Variants in CDH12 observed in about 807,000 individuals in gnomAD.
The protein encoded by CDH12 is cadherin 12, also known as cadherin-12.
A neutral mutation model predicts 74.1 loss-of-function variants in CDH12; 41 were observed. The ratio of observed to expected loss-of-function variants is 0.55; its 90% confidence interval spans 0.43 to 0.72. The LOEUF (loss-of-function observed/expected upper bound fraction) is 0.72, where lower values mean the gene tolerates loss of function less well. Among genes scored for constraint, CDH12 ranks in the 30% least tolerant of loss-of-function variants. CDH12 has a pLI of 0.00. For synonymous variants in CDH12, 399 were observed against 355.0 expected (o/e 1.12, Z -1.39); for missense variants, 945 against 977.2 (o/e 0.97, Z 0.44).
At chr5:22,079,998 A>T (rs1226724219) in intron 4 of CDH12, among the ~76,000 whole-genome samples, 3 of 152,114 alleles carry the variant, frequency 2.0e-5, no homozygotes, top group African/African-American at 4.8e-5. Context: ...GAATAAAAGC[A>T]TTCCTATATT....
At chr5:22,478,654 G>A (rs1217728923) in intron 2 of CDH12, among the ~76,000 whole-genome samples, 1 of 151,768 alleles carries the variant, frequency 6.6e-6, no homozygotes, top group Non-Finnish European at 1.5e-5. Context: ...CTCAGAGCCT[G>A]AAAGACTTAT....
chr5:21,751,715 T>C lies in CDH12; in HGVS notation c.*22A>G, dbSNP rs1561150087. 5.1e-6 allele frequency: 8 copies of C among 1,571,558 alleles called. No individual in the cohort carries two copies. Among genetic ancestry groups the C allele is most frequent in the Non-Finnish European group, 6.9e-6 (8 of 1,162,974 alleles). Reference sequence around the variant, plus strand: ...TTTTAAAAATCTCCCCTCTCGGTTGTATTTTAGCCTCCACGACTCCCTTAA... The same window carrying C: ...TTTTAAAAATCTCCCCTCTCGGTTGCATTTTAGCCTCCACGACTCCCTTAA... On this transcript the variant is annotated 3_prime_UTR_variant, in exon 15 of 15. Coordinates refer to ENST00000382254, the MANE Select transcript of CDH12 (RefSeq NM_004061.5).
intron 3 of CDH12, among the ~76,000 whole-genome samples, chr5:22,303,087 G>A (rs1281418302): frequency 1.3e-5 from 2 of 152,058 alleles, no homozygotes; most frequent in Non-Finnish European, 2.9e-5. Flanking sequence ...TTAAGAAACA[G>A]CATTTTAAAT....
At chr5:22,601,707 G>T (rs985355253) in intron 1 of CDH12, among the ~76,000 whole-genome samples, 2 of 151,902 alleles carry the variant, frequency 1.3e-5, no homozygotes, top group African/African-American at 2.4e-5. Flanking sequence ...TCCCAGATGC[G>T]ATGTTACTCC....
At chr5:21,780,323 T>C (rs1745833856) in intron 11 of CDH12, among the ~76,000 whole-genome samples, 1 of 152,178 alleles carries the variant, frequency 6.6e-6, no homozygotes, top group Non-Finnish European at 1.5e-5. Flanking sequence ...ACTATAAAGG[T>C]TCATACTTCC....
At chr5:22,690,549 C>G (rs1742029677) in intron 1 of CDH12, among the ~76,000 whole-genome samples, 1 of 152,000 alleles carries the variant, frequency 6.6e-6, no homozygotes, top group South Asian at 2.1e-4. Context: ...CACATGACAG[C>G]AAGTATATAA....
intron 4 of CDH12, among the ~76,000 whole-genome samples, chr5:22,170,906 C>T (rs1285823107): frequency 6.6e-6 from 1 of 151,800 alleles, no homozygotes; most frequent in African/African-American, 2.4e-5. Context: ...TTTAATTAAG[C>T]AGCAGTTGGT....
intron 1 of CDH12, among the ~76,000 whole-genome samples, chr5:22,625,124 C>T (rs1317916388): frequency 6.6e-6 from 1 of 152,008 alleles, no homozygotes; most frequent in East Asian, 1.9e-4. Flanking sequence ...AACACTTGGA[C>T]ACAGGAAGGG....
intron 3 of CDH12, among the ~76,000 whole-genome samples, chr5:22,385,820 G>A (rs1437423777): frequency 6.6e-6 from 1 of 151,994 alleles, no homozygotes; most frequent in East Asian, 1.9e-4. Flanking sequence ...TGGCAGAAGG[G>A]GAAGCAGGCA....
intron 9 of CDH12, 96 bp from the exon 10 acceptor site, chr5:21,802,516 A>T: frequency 9.9e-7 from 1 of 1,005,410 alleles, no homozygotes. Flanking sequence ...AGTTATTATC[A>T]ATTATACTGG....
At chr5:22,515,875 C>T (rs550786689) in intron 1 of CDH12, among the ~76,000 whole-genome samples, 64 of 152,028 alleles carry the variant, frequency 4.2e-4, no homozygotes, top group African/African-American at 1.5e-3. Flanking sequence ...AAAAATTCTA[C>T]CCATACAAAG....
chr5:21,898,967 A>G (rs1420258902), intron 6 of CDH12, among the ~76,000 whole-genome samples: 1 of 152,116 alleles, frequency 6.6e-6, no homozygotes, highest in Non-Finnish European at 1.5e-5. Flanking sequence ...GTTTTAGTCT[A>G]TCTCACACAA....
chr5:22,232,854 T>A (rs1752429633), intron 3 of CDH12, among the ~76,000 whole-genome samples: 1 of 147,108 alleles, frequency 6.8e-6, no homozygotes, highest in African/African-American at 2.5e-5. Flanking sequence ...CATTTAAATA[T>A]ATATATATTT....
chr5:22,281,798 C>T (rs1736896435), intron 3 of CDH12, among the ~76,000 whole-genome samples: 1 of 152,038 alleles, frequency 6.6e-6, no homozygotes, highest in Admixed American at 6.6e-5. Flanking sequence ...GCCATACTGC[C>T]CAAAGGAATT....
Position 22,222,968 on chromosome 5 carries a change from A to T in CDH12, c.-332-10325T>A, listed in dbSNP as rs141341356. 5.9e-4 allele frequency among the ~76,000 whole-genome samples: 89 copies of T among 152,048 alleles called. 1 individual carries two copies. The highest frequency in any genetic ancestry group is 3.2e-3 in the Admixed American group (49 of 15,246). On this transcript the variant is annotated intron_variant, in intron 3 of 14. Transcript: ENST00000382254. ...AACTTTTGTTTCATTTCCAATACTT[A>T]TATTTAATATGTTTTTTTTTCTGAT...
chr5:22,761,868 C>G (rs1320125781), intron 1 of CDH12, among the ~76,000 whole-genome samples: 1 of 152,038 alleles, frequency 6.6e-6, no homozygotes, highest in Non-Finnish European at 1.5e-5. Context: ...TTGTGTCAGA[C>G]TTAGCATGTG....
At chr5:22,291,355 T>G (rs1439285461) in intron 3 of CDH12, among the ~76,000 whole-genome samples, 1 of 152,108 alleles carries the variant, frequency 6.6e-6, no homozygotes, top group African/African-American at 2.4e-5. Context: ...CTGGAGGTCC[T>G]TACCAGAGCA....
intron 1 of CDH12, among the ~76,000 whole-genome samples, chr5:22,691,346 C>T (rs935990658): frequency 6.6e-6 from 1 of 152,174 alleles, no homozygotes; most frequent in Non-Finnish European, 1.5e-5. Context: ...TCATAGTTCA[C>T]TATCCTTTAC....
intron 1 of CDH12, among the ~76,000 whole-genome samples, chr5:22,619,925 T>C (rs1379921530): frequency 6.6e-6 from 1 of 152,266 alleles, no homozygotes; most frequent in Non-Finnish European, 1.5e-5. Flanking sequence ...TTTTGCTTTA[T>C]TGTTTACATT....
Sources: gnomAD v4.1 joint callset for allele counts (sites outside exome capture counted in the v4.1 genomes callset) on GRCh38, gnomAD v4.1.1 for gene constraint, MANE v1.5 for transcripts, NCBI Gene and HGNC (gene_info 2026-07-23, HGNC 2026-07-21) for gene names.